The following KCNMA1 variants were observed in gnomAD, a reference collection of about 807,000 sequenced individuals.
The protein encoded by KCNMA1 is potassium calcium-activated channel subfamily M alpha 1.
A neutral mutation model predicts 140.0 loss-of-function variants in KCNMA1; 29 were observed. The observed-to-expected ratio is 0.21, with a 90% CI of 0.15 to 0.28. KCNMA1 has a LOEUF of 0.28. Among genes scored for constraint, KCNMA1 ranks in the 10% least tolerant of loss-of-function variants. KCNMA1 has a pLI of 1.00. For synonymous variants in KCNMA1, 612 were observed against 611.9 expected (o/e 1.00, Z 0.00); for missense variants, 880 against 1,602.2 (o/e 0.55, Z 7.70).
chr10:76,892,641 C>T (rs1298513932), intron 25 of KCNMA1, among the ~76,000 whole-genome samples: 1 of 152,088 alleles, frequency 6.6e-6, no homozygotes, highest in African/African-American at 2.4e-5. Context: ...AATTGCACCT[C>T]AGCAGCTTCT....
At chr10:77,013,123 C>A (rs908735860) in intron 17 of KCNMA1, among the ~76,000 whole-genome samples, 4 of 152,192 alleles carry the variant, frequency 2.6e-5, no homozygotes, top group African/African-American at 9.6e-5. Flanking sequence ...AAACACAATT[C>A]TTGACCATTT....
chr10:76,966,745 G>C (rs1329228364), intron 20 of KCNMA1, among the ~76,000 whole-genome samples: 1 of 152,184 alleles, frequency 6.6e-6, no homozygotes, highest in Non-Finnish European at 1.5e-5. Context: ...AACAGGCAGA[G>C]AGAGCCGGGG....
intron 2 of KCNMA1, among the ~76,000 whole-genome samples, chr10:77,278,428 G>A (rs1158015105): frequency 6.6e-6 from 1 of 152,142 alleles, no homozygotes; most frequent in Non-Finnish European, 1.5e-5. Context: ...TCTATCAAAA[G>A]TAAGAAAAGT....
At chr10:77,297,440 G>T (rs369930466) in intron 2 of KCNMA1, among the ~76,000 whole-genome samples, 1 of 152,158 alleles carries the variant, frequency 6.6e-6, no homozygotes, top group East Asian at 1.9e-4. Context: ...GGGAACATAA[G>T]CTTTTATCAT....
At chr10:77,246,787 C>T (rs1436089) in intron 3 of KCNMA1, among the ~76,000 whole-genome samples, 28,025 of 152,046 alleles carry the variant, frequency 0.18, 2,807 homozygotes, top group Middle Eastern at 0.23. Flanking sequence ...TGGGGAGAGG[C>T]CATTTTCCAA....
chr10:76,977,763 A>G (rs972801595), intron 19 of KCNMA1: 3 of 637,994 alleles, frequency 4.7e-6, no homozygotes, highest in Non-Finnish European at 8.5e-6. Context: ...CCAACCTGCT[A>G]TTAGCCCTGC....
intron 2 of KCNMA1, among the ~76,000 whole-genome samples, chr10:77,387,447 A>G (rs1362237244): frequency 6.6e-6 from 1 of 152,202 alleles, no homozygotes; most frequent in African/African-American, 2.4e-5. Flanking sequence ...TAGAACAGGT[A>G]GCTAAGGCAC....
intron 9 of KCNMA1, among the ~76,000 whole-genome samples, chr10:77,092,631 C>T (rs2096841525): frequency 6.6e-6 from 1 of 152,322 alleles, no homozygotes; most frequent in Middle Eastern, 3.4e-3. Context: ...TATTTATTCC[C>T]ATTCAGTGCA....
At chr10:77,113,024 A>G (rs1383952259) in intron 6 of KCNMA1, among the ~76,000 whole-genome samples, 1 of 152,162 alleles carries the variant, frequency 6.6e-6, no homozygotes, top group African/African-American at 2.4e-5. Context: ...TAATATGCAG[A>G]CCTTATTTAA....
intron 19 of KCNMA1, among the ~76,000 whole-genome samples, chr10:76,999,224 T>C (rs2085384806): frequency 6.6e-6 from 1 of 152,226 alleles, no homozygotes. Flanking sequence ...AGATTTCTCT[T>C]GGATATAATG....
rs537483317 is a variant in KCNMA1 at position 76,978,856 on chromosome 10, T to C, written c.2267-8789A>G. Among the ~76,000 whole-genome samples the C allele has an allele frequency of 5.6e-4, 86 of 152,346 alleles. 2 individuals are homozygous for C. The South Asian group carries it at 0.017, about 30-fold the overall frequency. ...CCCTAGTGAATTCAGTACTTAAATG[T>C]CAGCTTTGAAATCAATATTTATACT... On this transcript the variant is annotated intron_variant, in intron 19 of 27. Coordinates refer to ENST00000286628, the MANE Select transcript of KCNMA1 (RefSeq NM_001161352.2).
intron 5 of KCNMA1, among the ~76,000 whole-genome samples, chr10:77,123,225 A>G (rs1463813192): frequency 6.7e-6 from 1 of 149,206 alleles, no homozygotes; most frequent in East Asian, 2.0e-4. Context: ...AGTGTTAAAC[A>G]GCAATTGGGC....
At chr10:77,634,091 A>T in intron 1 of KCNMA1, 1 of 899,736 alleles carries the variant, frequency 1.1e-6, no homozygotes, top group Non-Finnish European at 1.3e-6. Flanking sequence ...AAGGAAAGAT[A>T]GACACCAGAG....
intron 23 of KCNMA1, among the ~76,000 whole-genome samples, chr10:76,933,592 A>G (rs1383756501): frequency 6.6e-6 from 1 of 152,032 alleles, no homozygotes; most frequent in Non-Finnish European, 1.5e-5. Context: ...GCCTGTCGGA[A>G]CCTTTATTTA....
intron 1 of KCNMA1, among the ~76,000 whole-genome samples, chr10:77,568,011 A>G (rs1184561616): frequency 6.6e-6 from 1 of 152,220 alleles, no homozygotes. Flanking sequence ...CTCGACACAT[A>G]CACTCTCCCA....
At chr10:77,332,028 C>T (rs1245088796) in intron 2 of KCNMA1, among the ~76,000 whole-genome samples, 4 of 152,098 alleles carry the variant, frequency 2.6e-5, no homozygotes, top group Non-Finnish European at 4.4e-5. Context: ...ACTAGATATA[C>T]ATTTTGAGGC....
intron 1 of KCNMA1, among the ~76,000 whole-genome samples, chr10:77,560,046 G>C (rs1603636461): frequency 1.3e-5 from 2 of 152,158 alleles, no homozygotes; most frequent in African/African-American, 4.8e-5. Flanking sequence ...AGCCAGGCGT[G>C]GTGGCGGGTG....
At chr10:77,333,819 T>C (rs142013221) in intron 2 of KCNMA1, among the ~76,000 whole-genome samples, 37 of 152,334 alleles carry the variant, frequency 2.4e-4, no homozygotes, top group Admixed American at 3.9e-4. Flanking sequence ...TTAGAAACGA[T>C]GTGAGTGTGA....
At chr10:77,257,505 G>A (rs147671688) in intron 2 of KCNMA1, among the ~76,000 whole-genome samples, 1 of 152,300 alleles carries the variant, frequency 6.6e-6, no homozygotes, top group East Asian at 1.9e-4. Context: ...AGTGGAACGG[G>A]GAGAGAAAGT....
Sources: gnomAD v4.1 joint callset for allele counts (sites outside exome capture counted in the v4.1 genomes callset) on GRCh38, gnomAD v4.1.1 for gene constraint, MANE v1.5 for transcripts, NCBI Gene and HGNC (gene_info 2026-07-23, HGNC 2026-07-21) for gene names.